Variants in CYP39A1 observed in about 807,000 individuals in gnomAD.
The protein encoded by CYP39A1 is cytochrome P450 family 39 subfamily A member 1.
CYP39A1 carries 49 observed loss-of-function variants against 58.1 expected under a neutral mutation model. That is an observed-to-expected ratio of 0.84 (90% CI 0.67 to 1.07). The LOEUF (loss-of-function observed/expected upper bound fraction) is 1.07. Ranked by LOEUF, CYP39A1 falls within the 50% of genes least tolerant of loss-of-function variation. The pLI is 0.00. For missense variants in CYP39A1, 531 were observed against 539.4 expected (o/e 0.98, Z 0.16); for synonymous variants, 209 against 187.6 (o/e 1.11, Z -0.93).
At chr6:46,575,936 C>A (rs1771822171) in intron 10 of CYP39A1, among the ~76,000 whole-genome samples, 2 of 152,128 alleles carry the variant, frequency 1.3e-5, no homozygotes, top group Admixed American at 1.3e-4. Flanking sequence ...TAAAGAAATA[C>A]CTGAGACTGT....
intron 5 of CYP39A1, among the ~76,000 whole-genome samples, chr6:46,631,670 A>G (rs1472670719): frequency 6.6e-6 from 1 of 152,180 alleles, no homozygotes; most frequent in Non-Finnish European, 1.5e-5. Context: ...CCCATTCACC[A>G]TGGGAGACAG....
intron 1 of CYP39A1, among the ~76,000 whole-genome samples, chr6:46,644,038 A>T (rs189660929): frequency 1.3e-5 from 2 of 152,336 alleles, no homozygotes; most frequent in East Asian, 3.9e-4. Context: ...TATCACAACC[A>T]AGTTATTGAC....
chr6:46,589,111 C>G (rs1392083973), intron 8 of CYP39A1, among the ~76,000 whole-genome samples: 1 of 152,122 alleles, frequency 6.6e-6, no homozygotes, highest in African/African-American at 2.4e-5. Flanking sequence ...ATTTGAAAAA[C>G]TTTTACTTTA....
chr6:46,636,617 A>C, intron 4 of CYP39A1, 135 bp from the exon 5 acceptor site: 1 of 628,338 alleles, frequency 1.6e-6, no homozygotes, highest in East Asian at 2.9e-5. Context: ...GTATAATTTC[A>C]TGGAAGGTCT....
intron 1 of CYP39A1, among the ~76,000 whole-genome samples, chr6:46,644,874 A>G (rs908789874): frequency 6.6e-5 from 10 of 152,164 alleles, no homozygotes; most frequent in African/African-American, 2.4e-4. Flanking sequence ...TTTAATTTGC[A>G]TATCTCTAAT....
At chr6:46,588,384 A>C (rs1047383064) in intron 8 of CYP39A1, among the ~76,000 whole-genome samples, 1 of 151,794 alleles carries the variant, frequency 6.6e-6, no homozygotes. Context: ...GAAATTATAT[A>C]ATTCTGATTC....
At chr6:46,611,705 C>A (rs188027691) in intron 7 of CYP39A1, among the ~76,000 whole-genome samples, 2,656 of 151,616 alleles carry the variant, frequency 0.018, 31 homozygotes, top group Middle Eastern at 0.041. Flanking sequence ...GGATATAGTC[C>A]AATACATGAT....
chr6:46,554,473 C>T (rs1214550995), intron 10 of CYP39A1, among the ~76,000 whole-genome samples: 4 of 152,044 alleles, frequency 2.6e-5, no homozygotes, highest in Non-Finnish European at 4.4e-5. Flanking sequence ...CTAAGAGTGC[C>T]CAAGCATTTT....
rs571234224 is a variant in CYP39A1 at position 46,607,029 on chromosome 6, A to G, written c.932-10909T>C. On this transcript the variant is annotated intron_variant, in intron 7 of 11. Transcript: ENST00000275016. ...CAGCTAACTGAGCCTCAGAGAGGTT[A>G]AAATGTTCAAGGAGACAAGCTTGAA... is the stretch of plus-strand genomic sequence containing the variant. 1.9e-3 allele frequency among the ~76,000 whole-genome samples: 293 copies of G among 152,304 alleles called. 1 individual carries two copies. The highest frequency in any genetic ancestry group is 3.2e-3 in the Non-Finnish European group (219 of 68,016).
rs560814795 is a variant in CYP39A1 at position 46,645,154 on chromosome 6, T to G, written c.178-2856A>C. ...GCTTTTAATTTTGATGAGGTTCAATTTATCAGTTTTTCCTTTTATGAACTG... is the reference window on the plus strand; with the variant it reads ...GCTTTTAATTTTGATGAGGTTCAATGTATCAGTTTTTCCTTTTATGAACTG... On this transcript the variant is annotated intron_variant, in intron 1 of 11. Coordinates refer to ENST00000275016, the MANE Select transcript of CYP39A1 (RefSeq NM_016593.5). Among the ~76,000 whole-genome samples, 32 of 152,296 alleles carry G rather than the reference T, an allele frequency of 2.1e-4. No individual in the cohort carries two copies. In the South Asian group the frequency reaches 3.1e-3, roughly 15 times the overall value.
At position 46,616,359 on chromosome 6, in the gene CYP39A1, G is replaced by A. The variant is rs143110165; in HGVS notation, c.931+9059C>T. On this transcript the variant is annotated intron_variant, in intron 7 of 11. Transcript: ENST00000275016. Reference sequence around the variant, plus strand: ...TGCAACTTTGAATTCCTGGACTCAGGTCAATCCTCCCACCTCAGCCTCCTG... The same window carrying A: ...TGCAACTTTGAATTCCTGGACTCAGATCAATCCTCCCACCTCAGCCTCCTG... Among the ~76,000 whole-genome samples the A allele has an allele frequency of 2.0e-3, 307 of 149,780 alleles. 2 individuals carry two copies. Among genetic ancestry groups the A allele is most frequent in the African/African-American group, 7.4e-3 (301 of 40,544 alleles).
At chr6:46,612,138 T>C (rs1774254964) in intron 7 of CYP39A1, among the ~76,000 whole-genome samples, 1 of 152,214 alleles carries the variant, frequency 6.6e-6, no homozygotes, top group Non-Finnish European at 1.5e-5. Context: ...GAGGCATCTC[T>C]TTCAGCCACT....
rs980475631 is a variant in CYP39A1, at chr6:46,606,730, G to A, written c.932-10610C>T. On this transcript the variant is annotated intron_variant, in intron 7 of 11. Transcript: ENST00000275016. ...CTTGCGTTCAGAAATAGCAAAAAAA[G>A]TTTATAAAACATTATACATAGTTTT... is the stretch of plus-strand genomic sequence containing the variant. Among the ~76,000 whole-genome samples, 11 of 152,158 alleles carry A rather than the reference G, an allele frequency of 7.2e-5. No homozygotes were observed. In the East Asian group the frequency reaches 1.9e-3, roughly 27 times the overall value.
At chr6:46,637,386 T>G (rs1776055816) in intron 4 of CYP39A1, among the ~76,000 whole-genome samples, 1 of 152,236 alleles carries the variant, frequency 6.6e-6, no homozygotes, top group Non-Finnish European at 1.5e-5. Context: ...ATGCAGTTAC[T>G]TTGCATGTGC....
intron 6 of CYP39A1, among the ~76,000 whole-genome samples, chr6:46,626,008 G>A (rs1374961262): frequency 4.6e-5 from 7 of 151,914 alleles, no homozygotes; most frequent in African/African-American, 9.7e-5. Flanking sequence ...AAACCATCCC[G>A]TAAACTAAAT....
chr6:46,609,528 A>G (rs1328064049), intron 7 of CYP39A1, among the ~76,000 whole-genome samples: 1 of 152,164 alleles, frequency 6.6e-6, no homozygotes, highest in African/African-American at 2.4e-5. Context: ...AAAAGAGTAG[A>G]ATGGGTCCCT....
At chr6:46,603,545 C>A (rs908318301) in intron 7 of CYP39A1, among the ~76,000 whole-genome samples, 1 of 152,178 alleles carries the variant, frequency 6.6e-6, no homozygotes, top group Non-Finnish European at 1.5e-5. Context: ...GTTCTTCCTC[C>A]TTTGAACATG....
In CYP39A1 at chr6:46,652,717, C is replaced by T. The variant is rs1762782406; in HGVS notation, c.-135G>A. 1.4e-6 allele frequency: 1 copy of T among 738,462 alleles called. No homozygotes were observed. Among genetic ancestry groups the T allele is most frequent in the Non-Finnish European group, 2.2e-6 (1 of 463,262 alleles). 45.7% of individuals were successfully genotyped at this position (738,462 alleles called of 1,614,324 possible). ...CAACTTTTGCAGCTCTCCTTCGTAA[C>T]TGTAGCTTCCTTCCTCTGTCCCAGT... On this transcript the variant is annotated 5_prime_UTR_variant, in exon 1 of 12. Coordinates refer to ENST00000275016, the MANE Select transcript of CYP39A1 (RefSeq NM_016593.5).
intron 10 of CYP39A1, among the ~76,000 whole-genome samples, chr6:46,568,867 T>A (rs1034256075): frequency 6.6e-6 from 1 of 151,988 alleles, no homozygotes; most frequent in Admixed American, 6.6e-5. Flanking sequence ...TTTTGGCTAC[T>A]TGGGGTCCTT....
Sources: gnomAD v4.1 joint callset for allele counts (sites outside exome capture counted in the v4.1 genomes callset) on GRCh38, gnomAD v4.1.1 for gene constraint, MANE v1.5 for transcripts, NCBI Gene and HGNC (gene_info 2026-07-23, HGNC 2026-07-21) for gene names.